KHDRBS3: variants seen among roughly 807,000 people sequenced by gnomAD.
KHDRBS3 encodes KH domain-containing, RNA-binding, signal transduction-associated protein 3.
A neutral mutation model predicts 45.6 loss-of-function variants in KHDRBS3; 23 were observed. The observed-to-expected ratio is 0.50, with a 90% CI of 0.36 to 0.72. The LOEUF is 0.72. Ranked by LOEUF, KHDRBS3 falls within the 30% of genes least tolerant of loss-of-function variation. KHDRBS3 has a pLI of 0.00. For synonymous variants in KHDRBS3, 162 were observed against 156.5 expected, an observed-to-expected ratio of 1.04 and a Z score of -0.26; for missense variants, 352 against 424.8, an observed-to-expected ratio of 0.83 and a Z score of 1.51.
chr8:135,567,477 G>A (rs1586733275), intron 5 of KHDRBS3, among the ~76,000 whole-genome samples: 1 of 152,180 alleles, frequency 6.6e-6, no homozygotes, highest in African/African-American at 2.4e-5. Flanking sequence ...TGAGCATGTA[G>A]CACCCCGTGC....
rs11996333 is a variant in KHDRBS3, at chr8:135,629,082, T to C, written c.891-15977T>C. On this transcript the variant is annotated intron_variant, in intron 7 of 8. Coordinates refer to ENST00000355849, the MANE Select transcript of KHDRBS3 (RefSeq NM_006558.3). ...AGTACCAGTAAGTTCCTGCACTTTG[T>C]AGTGGAGATAAAGTTTAGAAGTATT... is the stretch of plus-strand genomic sequence containing the variant. 2.9e-3 allele frequency among the ~76,000 whole-genome samples: 445 copies of C among 152,326 alleles called. 3 individuals carry two copies. The highest frequency in any genetic ancestry group is 0.01 in the African/African-American group (433 of 41,582).
chr8:135,593,432 T>TTAA (rs1828836490), intron 6 of KHDRBS3: 1 of 152,166 alleles, frequency 6.6e-6, no homozygotes, highest in African/African-American at 2.4e-5. Context: ...CCATTATACT[T>TTAA]TAAGTTGTTA....
chr8:135,650,895 A>T (rs1831415344), downstream of KHDRBS3, among the ~76,000 whole-genome samples: 1 of 152,312 alleles, frequency 6.6e-6, no homozygotes, highest in Middle Eastern at 3.4e-3. Flanking sequence ...AAGTCAAGTC[A>T]GTATCATTAT....
At chr8:135,465,845 G>A (rs1236961757) in intron 1 of KHDRBS3, among the ~76,000 whole-genome samples, 1 of 152,136 alleles carries the variant, frequency 6.6e-6, no homozygotes, top group African/African-American at 2.4e-5. Context: ...ATGATAAAGG[G>A]CAAGAGTATG....
At chr8:135,477,492 T>C in intron 1 of KHDRBS3, among the ~76,000 whole-genome samples, 1 of 152,226 alleles carries the variant, frequency 6.6e-6, no homozygotes, top group East Asian at 1.9e-4. Flanking sequence ...AACACAAATA[T>C]ACATATTTAA....
At chr8:135,469,507 T>G in intron 1 of KHDRBS3, among the ~76,000 whole-genome samples, 1 of 20,678 alleles carries the variant, frequency 4.8e-5, no homozygotes, top group Non-Finnish European at 1.1e-4. Flanking sequence ...CAGGATGGTG[T>G]TTTTTTTTTG....
At chr8:135,536,853 G>A (rs1463855377) in intron 2 of KHDRBS3, among the ~76,000 whole-genome samples, 4 of 149,820 alleles carry the variant, frequency 2.7e-5, no homozygotes, top group Non-Finnish European at 4.4e-5. Context: ...CCAGCTACTC[G>A]GGAGGCTGAG....
intron 1 of KHDRBS3, among the ~76,000 whole-genome samples, chr8:135,468,395 C>T (rs985122091): frequency 1.3e-5 from 2 of 152,168 alleles, no homozygotes; most frequent in Admixed American, 1.3e-4. Context: ...TGCTTTCAGG[C>T]TCTTTCATGG....
intron 7 of KHDRBS3, among the ~76,000 whole-genome samples, chr8:135,609,320 T>G (rs942924905): frequency 2.0e-5 from 3 of 151,922 alleles, no homozygotes; most frequent in African/African-American, 4.8e-5. Context: ...GTAAATTTTT[T>G]TTTCCCCTCT....
intron 1 of KHDRBS3, among the ~76,000 whole-genome samples, chr8:135,469,027 G>T (rs1821841879): frequency 6.6e-6 from 1 of 152,208 alleles, no homozygotes; most frequent in Admixed American, 6.5e-5. Context: ...TAGCCATACT[G>T]CAGGCAGAGC....
chr8:135,545,229 T>C (rs1259071922), intron 3 of KHDRBS3, among the ~76,000 whole-genome samples: 1 of 152,084 alleles, frequency 6.6e-6, no homozygotes, highest in Non-Finnish European at 1.5e-5. Context: ...ATTCTCTGCA[T>C]GTTTGGTTAA....
In KHDRBS3 at chr8:135,521,125, A is replaced by G. The variant is rs1055612650; in HGVS notation, c.89-112A>G. On this transcript the variant is annotated intron_variant, in intron 1 of 8. Transcript: ENST00000355849. ...ACTTGAAAACATTTGCCTCAATTTA[A>G]TAGTCCATACTTCAGTAGTAGTTGA... 9 of 661,574 alleles carry G rather than the reference A, an allele frequency of 1.4e-5. No homozygotes were observed. The African/African-American group carries it at 1.6e-4, about 12-fold the overall frequency. 41.0% of individuals were successfully genotyped at this position (661,574 alleles called of 1,614,324 possible). A position where few individuals can be genotyped will look rare whatever the true frequency, so the allele number is the denominator to read the frequency against.
At chr8:135,521,693 T>G (rs1824917509) in intron 2 of KHDRBS3, among the ~76,000 whole-genome samples, 1 of 152,262 alleles carries the variant, frequency 6.6e-6, no homozygotes, top group South Asian at 2.1e-4. Context: ...GCTTGGTACA[T>G]AAAGGTTCAA....
chr8:135,592,510 A>C (rs1037714895), intron 6 of KHDRBS3, among the ~76,000 whole-genome samples: 1 of 152,186 alleles, frequency 6.6e-6, no homozygotes, highest in Non-Finnish European at 1.5e-5. Context: ...ATAATGGACT[A>C]TCTGCAAGAA....
In KHDRBS3 at chr8:135,469,793, C is replaced by T. The variant is rs555577804; in HGVS notation, c.88+11839C>T. Among the ~76,000 whole-genome samples the T allele has an allele frequency of 3.5e-4, 54 of 152,286 alleles. No individual in the cohort carries two copies. The East Asian group carries it at 9.1e-3, about 26-fold the overall frequency. On this transcript the variant is annotated intron_variant, in intron 1 of 8. Transcript: ENST00000355849. ...CCACCCGCCTTGGCCTCCCAAAGTG[C>T]TGGGATTACAGGCGTGAGCCACCGC...
intron 7 of KHDRBS3, among the ~76,000 whole-genome samples, chr8:135,630,143 A>G (rs886600187): frequency 5.3e-5 from 8 of 152,324 alleles, no homozygotes; most frequent in African/African-American, 1.9e-4. Flanking sequence ...GTAATTGCCT[A>G]TGGAGTCCCA....
intron 5 of KHDRBS3, among the ~76,000 whole-genome samples, chr8:135,574,475 G>A (rs1827862092): frequency 6.6e-6 from 1 of 152,136 alleles, no homozygotes; most frequent in Non-Finnish European, 1.5e-5. Flanking sequence ...AACCAACAAT[G>A]TCAATGATCG....
intron 2 of KHDRBS3, chr8:135,540,144 T>C (rs1024108785): frequency 1.3e-4 from 20 of 152,162 alleles, no homozygotes; most frequent in African/African-American, 4.6e-4. Flanking sequence ...ATAAATGAAA[T>C]AAAAAGGCAT....
At chr8:135,502,846 CT>C (rs1823800212) in intron 1 of KHDRBS3, among the ~76,000 whole-genome samples, 3 of 152,124 alleles carry the variant, frequency 2.0e-5, no homozygotes, top group Admixed American at 2.0e-4. Context: ...TTTCCACTTC[CT>C]TTTTGTTTTT....
Sources: gnomAD v4.1 joint callset for allele counts (sites outside exome capture counted in the v4.1 genomes callset) on GRCh38, gnomAD v4.1.1 for gene constraint, MANE v1.5 for transcripts, NCBI Gene and HGNC (gene_info 2026-07-23, HGNC 2026-07-21) for gene names.